Variants in DNER observed in about 807,000 individuals in gnomAD.
The protein encoded by DNER is delta and Notch-like epidermal growth factor-related receptor.
A neutral mutation model predicts 78.2 loss-of-function variants in DNER; 33 were observed. The observed-to-expected ratio is 0.42, with a 90% CI of 0.32 to 0.56. DNER has a LOEUF of 0.56. DNER is among the 20% of genes least tolerant of loss of function. DNER has a pLI of 0.11. For missense variants in DNER, 918 were observed against 975.3 expected (o/e 0.94, Z 0.78); for synonymous variants, 417 against 384.8 (o/e 1.08, Z -0.98).
At chr2:229,448,408 G>A (rs1694385513) in intron 7 of DNER, among the ~76,000 whole-genome samples, 1 of 152,144 alleles carries the variant, frequency 6.6e-6, no homozygotes, top group East Asian at 1.9e-4. Context: ...GAGTCCACTG[G>A]GGTGGATGGA....
chr2:229,393,333 C>A (rs543230624), intron 10 of DNER, among the ~76,000 whole-genome samples: 99 of 151,964 alleles, frequency 6.5e-4, no homozygotes, highest in Admixed American at 1.6e-3. Flanking sequence ...GAGGCTGAGG[C>A]AAGAGAATCT....
At chr2:229,373,615 C>T (rs1692535331) in intron 11 of DNER, among the ~76,000 whole-genome samples, 1 of 152,098 alleles carries the variant, frequency 6.6e-6, no homozygotes, top group African/African-American at 2.4e-5. Flanking sequence ...AATTGTTCTA[C>T]CAAAAAAGCA....
At chr2:229,562,805 T>C (rs902696687) in intron 4 of DNER, among the ~76,000 whole-genome samples, 1 of 152,098 alleles carries the variant, frequency 6.6e-6, no homozygotes, top group African/African-American at 2.4e-5. Context: ...AAGGTCTTAA[T>C]ATCAGAATAG....
chr2:229,609,704 T>C (rs186135524), intron 1 of DNER, among the ~76,000 whole-genome samples: 4 of 152,142 alleles, frequency 2.6e-5, no homozygotes, highest in African/African-American at 4.8e-5. Context: ...ACAAACACCA[T>C]AGACACAGCA....
intron 1 of DNER, among the ~76,000 whole-genome samples, chr2:229,640,884 C>T (rs764071333): frequency 2.0e-5 from 3 of 152,110 alleles, no homozygotes; most frequent in African/African-American, 7.2e-5. Context: ...AGTTGCGGTT[C>T]GGCTGAGTAG....
At chr2:229,388,592 A>AATAT (rs56042896) in intron 10 of DNER, among the ~76,000 whole-genome samples, 196 bp from the exon 11 acceptor site, 64 of 57,958 alleles carry the variant, frequency 1.1e-3, no homozygotes, top group Non-Finnish European at 1.6e-3. Context: ...CTAAAAAGGA[A>AATAT]ATATATATAT....
chr2:229,397,889 T>G (rs1693183227), intron 10 of DNER, among the ~76,000 whole-genome samples: 1 of 152,086 alleles, frequency 6.6e-6, no homozygotes, highest in Non-Finnish European at 1.5e-5. Flanking sequence ...AGGGGGAAAT[T>G]TATAGCACTA....
chr2:229,522,909 A>C (rs1484580906), intron 5 of DNER, among the ~76,000 whole-genome samples: 1 of 152,348 alleles, frequency 6.6e-6, no homozygotes, highest in South Asian at 2.1e-4. Flanking sequence ...TGATTTTTCC[A>C]TGTTACCAAT....
chr2:229,536,235 T>C (rs1696402285), intron 5 of DNER, among the ~76,000 whole-genome samples: 1 of 152,198 alleles, frequency 6.6e-6, no homozygotes, highest in Non-Finnish European at 1.5e-5. Flanking sequence ...ACAGGAGATT[T>C]AGGCCTCAGA....
At chr2:229,639,693 A>G (rs996303796) in intron 1 of DNER, among the ~76,000 whole-genome samples, 1 of 152,240 alleles carries the variant, frequency 6.6e-6, no homozygotes, top group Non-Finnish European at 1.5e-5. Context: ...AAAAATAGCT[A>G]AGAGCAATGC....
intron 1 of DNER, among the ~76,000 whole-genome samples, chr2:229,701,217 T>A (rs767915964): frequency 1.6e-4 from 24 of 152,200 alleles, no homozygotes; most frequent in Non-Finnish European, 1.8e-4. Flanking sequence ...AAAGGACCCA[T>A]GAAGATGCAA....
chr2:229,660,652 T>A (rs1295421459), intron 1 of DNER, among the ~76,000 whole-genome samples: 2 of 152,232 alleles, frequency 1.3e-5, no homozygotes, highest in Non-Finnish European at 2.9e-5. Context: ...CAAGTCACCC[T>A]AATTTGCAAT....
chr2:229,450,385 A>C (rs1019217412), intron 7 of DNER, among the ~76,000 whole-genome samples: 3 of 152,242 alleles, frequency 2.0e-5, no homozygotes, highest in African/African-American at 7.2e-5. Context: ...ACCCAGTAGA[A>C]GAGTTAATAT....
chr2:229,528,040 T>G (rs922800902), intron 5 of DNER, among the ~76,000 whole-genome samples: 4 of 152,250 alleles, frequency 2.6e-5, no homozygotes, highest in Admixed American at 6.5e-5. Flanking sequence ...ATGGAGCATG[T>G]GCTAATGACT....
At chr2:229,430,687 AAT>A (rs58809747) in intron 8 of DNER, among the ~76,000 whole-genome samples, 8,604 of 144,508 alleles carry the variant, frequency 0.06, 507 homozygotes, top group African/African-American at 0.15. Context: ...ATACTTAGTA[AAT>A]ATATATATAT....
At chr2:229,551,557 G>A (rs1166794378) in intron 4 of DNER, among the ~76,000 whole-genome samples, 1 of 151,462 alleles carries the variant, frequency 6.6e-6, no homozygotes, top group African/African-American at 2.4e-5. Context: ...TCACTTGAAC[G>A]CAGGAGGCAG....
At position 229,554,760 on chromosome 2, in the gene DNER, C is replaced by T. The variant is rs138734204; in HGVS notation, c.848-7668G>A. Among the ~76,000 whole-genome samples the T allele has an allele frequency of 2.0e-5, 3 of 151,622 alleles. No homozygotes were observed. The East Asian group carries it at 5.8e-4, about 29-fold the overall frequency. On this transcript the variant is annotated intron_variant, in intron 4 of 12. Transcript: ENST00000341772. ...ACACACACCTGTAGCCCCAGCTACT[C>T]AGGAGGATCACTTGAGCACAGGAAG...
intron 1 of DNER, 123 bp from the exon 2 acceptor site, chr2:229,592,011 C>A: frequency 1.6e-6 from 2 of 1,261,118 alleles, no homozygotes; most frequent in Non-Finnish European, 2.1e-6. Flanking sequence ...GTGGAATACA[C>A]TCCTTAACTA....
At chr2:229,427,826 C>T (rs1006285469) in intron 8 of DNER, among the ~76,000 whole-genome samples, 6 of 152,092 alleles carry the variant, frequency 3.9e-5, no homozygotes, top group African/African-American at 1.2e-4. Context: ...CCTGTAATCC[C>T]AGCACTTTGG....
Sources: allele counts gnomAD v4.1 joint callset (sites outside exome capture counted in the v4.1 genomes callset), GRCh38; gene constraint gnomAD v4.1.1; transcripts MANE v1.5; gene names NCBI Gene and HGNC (gene_info 2026-07-23, HGNC 2026-07-21).